Variants in ADAMTS6 observed in about 807,000 individuals in gnomAD.
ADAMTS6 encodes the protein ADAM metallopeptidase with thrombospondin type 1 motif 6.
ADAMTS6 carries 23 observed loss-of-function variants against 144.3 expected under a neutral mutation model. The observed-to-expected ratio is 0.16, with a 90% CI of 0.11 to 0.23. The LOEUF (loss-of-function observed/expected upper bound fraction) is 0.23, where lower values mean the gene tolerates loss of function less well. ADAMTS6 is among the 10% of genes least tolerant of loss of function. The probability of loss-of-function intolerance (pLI) is 1.00; values close to 1 mark genes in which losing one functional copy is unlikely to be tolerated. For synonymous variants in ADAMTS6, 444 were observed against 457.5 expected, an observed-to-expected ratio of 0.97 and a Z score of 0.38; for missense variants, 999 against 1,379.6, an observed-to-expected ratio of 0.72 and a Z score of 4.37.
At chr5:65,247,353 A>G (rs1759719483) in intron 14 of ADAMTS6, among the ~76,000 whole-genome samples, 1 of 152,192 alleles carries the variant, frequency 6.6e-6, no homozygotes, top group Non-Finnish European at 1.5e-5. Flanking sequence ...CAAATCTAAA[A>G]AAAGGAATAA....
chr5:65,200,550 T>C (rs1442499402), intron 20 of ADAMTS6, among the ~76,000 whole-genome samples: 1 of 152,152 alleles, frequency 6.6e-6, no homozygotes, highest in African/African-American at 2.4e-5. Flanking sequence ...AACCAAAACA[T>C]AAAATGTCCA....
chr5:65,260,388 T>C (rs1561343525), intron 14 of ADAMTS6, among the ~76,000 whole-genome samples: 1 of 152,118 alleles, frequency 6.6e-6, no homozygotes, highest in Non-Finnish European at 1.5e-5. Flanking sequence ...TGGGGAAGAA[T>C]ATACTTGTTC....
chr5:65,365,256 C>T (rs1178888706), intron 7 of ADAMTS6, among the ~76,000 whole-genome samples: 1 of 152,066 alleles, frequency 6.6e-6, no homozygotes, highest in East Asian at 1.9e-4. Context: ...TAGAATTATG[C>T]TAATCAAGTA....
chr5:65,458,215 TTTCTGGTACCAACTA>T (rs1759371322), intron 4 of ADAMTS6, among the ~76,000 whole-genome samples: 1 of 152,190 alleles, frequency 6.6e-6, no homozygotes, highest in African/African-American at 2.4e-5. Flanking sequence ...AAGTTGTCTT[TTTCTGGTACCAACTA>T]TTCTTGACCA....
At chr5:65,269,592 A>G (rs1675686197) in intron 12 of ADAMTS6, among the ~76,000 whole-genome samples, 1 of 152,142 alleles carries the variant, frequency 6.6e-6, no homozygotes. Flanking sequence ...AAAGATTTCA[A>G]CTCTGAAATT....
Position 65,150,816 on chromosome 5 carries a change from C to T in ADAMTS6, c.*1020G>A, listed in dbSNP as rs190929630. On this transcript the variant is annotated 3_prime_UTR_variant, in exon 25 of 25. Coordinates refer to ENST00000381055, the MANE Select transcript of ADAMTS6 (RefSeq NM_197941.4). ...ACTGCAAAAGGGTCTGCCTGGTTAC[C>T]GAGCCAGTCTATCTTTTGCATGGTA... 18 of 152,698 alleles carry T rather than the reference C, an allele frequency of 1.2e-4. No homozygotes were observed. The highest frequency in any genetic ancestry group is 3.9e-4 in the African/African-American group (16 of 41,544). 9.5% of individuals were successfully genotyped at this position (152,698 alleles called of 1,614,324 possible). A position where few individuals can be genotyped will look rare whatever the true frequency, so the allele number is the denominator to read the frequency against.
At chr5:65,276,676 C>A (rs1235665272) in intron 11 of ADAMTS6, among the ~76,000 whole-genome samples, 1 of 152,154 alleles carries the variant, frequency 6.6e-6, no homozygotes, top group Non-Finnish European at 1.5e-5. Flanking sequence ...GTTTCATTTG[C>A]ACATGCATAT....
At chr5:65,332,101 C>T (rs1746779729) in intron 8 of ADAMTS6, among the ~76,000 whole-genome samples, 1 of 150,844 alleles carries the variant, frequency 6.6e-6, no homozygotes, top group African/African-American at 2.5e-5. Context: ...CTAGGCAGTA[C>T]TCAAAATACT....
intron 7 of ADAMTS6, among the ~76,000 whole-genome samples, chr5:65,408,343 G>A (rs1191875482): frequency 6.6e-6 from 1 of 152,120 alleles, no homozygotes; most frequent in Non-Finnish European, 1.5e-5. Context: ...AGCAGGGGTT[G>A]CAATCCTAGT....
intron 7 of ADAMTS6, among the ~76,000 whole-genome samples, chr5:65,392,026 G>A (rs910764198): frequency 6.6e-6 from 1 of 151,954 alleles, no homozygotes; most frequent in Admixed American, 6.6e-5. Context: ...ATGAACCACC[G>A]CACCCAAGCT....
intron 7 of ADAMTS6, among the ~76,000 whole-genome samples, chr5:65,385,862 A>G (rs1290259824): frequency 6.6e-6 from 1 of 152,238 alleles, no homozygotes; most frequent in Non-Finnish European, 1.5e-5. Context: ...CTCATAAAGT[A>G]AAAGCACTGA....
chr5:65,253,812 C>CTTTTTTTTTTTTTTTTTTTTTT (rs759508097), intron 14 of ADAMTS6, among the ~76,000 whole-genome samples: 1 of 66,962 alleles, frequency 1.5e-5, no homozygotes, highest in Non-Finnish European at 2.6e-5. Flanking sequence ...AATATTCAAT[C>CTTTTTTTTTTTTTTTTTTTTTT]TTTTTTTTTT....
At chr5:65,167,372 G>A (rs1307507853) in intron 24 of ADAMTS6, among the ~76,000 whole-genome samples, 1 of 152,006 alleles carries the variant, frequency 6.6e-6, no homozygotes, top group Non-Finnish European at 1.5e-5. Context: ...AACAGGAGCT[G>A]AAATTGGGGC....
intron 7 of ADAMTS6, among the ~76,000 whole-genome samples, chr5:65,357,838 T>A (rs887347513): frequency 6.6e-6 from 1 of 151,792 alleles, no homozygotes; most frequent in Non-Finnish European, 1.5e-5. Flanking sequence ...ATCAAATCAG[T>A]AATCAAAAAA....
At chr5:65,153,158 T>A (rs1752223827) in intron 24 of ADAMTS6, among the ~76,000 whole-genome samples, 1 of 152,232 alleles carries the variant, frequency 6.6e-6, no homozygotes, top group African/African-American at 2.4e-5. Context: ...TATTATTGAA[T>A]ATGAAGATAA....
intron 1 of ADAMTS6, among the ~76,000 whole-genome samples, chr5:65,476,401 T>C (rs1156910732): frequency 6.6e-6 from 1 of 152,184 alleles, no homozygotes; most frequent in Non-Finnish European, 1.5e-5. Context: ...TGGTAATTTG[T>C]TACACAGCAA....
At chr5:65,191,147 C>A (rs1183231955) in intron 21 of ADAMTS6, among the ~76,000 whole-genome samples, 1 of 152,078 alleles carries the variant, frequency 6.6e-6, no homozygotes, top group Non-Finnish European at 1.5e-5. Flanking sequence ...TCCCAATACA[C>A]AAATTGTCTT....
intron 20 of ADAMTS6, chr5:65,210,493 T>G (rs16893539): frequency 0.15 from 43,547 of 288,172 alleles, 3,856 homozygotes; most frequent in African/African-American, 0.23. Flanking sequence ...CCAAGCGGAG[T>G]TGATTGGAGA....
intron 7 of ADAMTS6, among the ~76,000 whole-genome samples, chr5:65,386,908 A>G (rs769027363): frequency 1.3e-5 from 2 of 152,220 alleles, no homozygotes; most frequent in Non-Finnish European, 2.9e-5. Flanking sequence ...TCTTTAATCA[A>G]CATCTTAACA....
Sources: gnomAD v4.1 joint callset for allele counts (sites outside exome capture counted in the v4.1 genomes callset) on GRCh38, gnomAD v4.1.1 for gene constraint, MANE v1.5 for transcripts, NCBI Gene and HGNC (gene_info 2026-07-23, HGNC 2026-07-21) for gene names.